ACER2: variants seen among roughly 807,000 people sequenced by gnomAD.
ACER2 encodes the protein alkCDase 2.
Under a neutral mutation model 34.7 loss-of-function variants are expected in ACER2, and 26 were observed. The ratio of observed to expected loss-of-function variants is 0.75; its 90% CI spans 0.55 to 1.04. The LOEUF is 1.04. Among genes scored for constraint, ACER2 ranks in the 50% least tolerant of loss-of-function variants. The pLI is 0.00. For synonymous variants in ACER2, 138 were observed against 132.1 expected (o/e 1.04, Z -0.31); for missense variants, 352 against 340.8 (o/e 1.03, Z -0.26).
chr9:19,434,979 C>G lies in ACER2; in HGVS notation c.398C>G (p.Ser133Cys), dbSNP rs1830912501. Reference protein sequence around the residue: ...GRFKVVVSVLSAVTTCLAFVK... With the variant: ...GRFKVVVSVLCAVTTCLAFVK... ...TTCAAGGTGGTGGTCAGTGTCCTGT[C>G]TGCGGTTACGACGTGCCTGGCATTT... Residue 133 changes from serine (S) to cysteine (C), a missense_variant, in exon 4 of 6, where the codon TCT becomes TGT. Physicochemically the swap from Ser to Cys is moderately radical, Grantham distance 112. Transcript: ENST00000340967. The G allele has an allele frequency of 1.9e-6, 3 of 1,613,912 alleles. No homozygotes were observed. Among genetic ancestry groups the G allele is most frequent in the South Asian group, 1.1e-5 (1 of 91,078 alleles).
intron 5 of ACER2, 26 bp downstream of exon 5, chr9:19,446,444 G>GC (rs1405357718): frequency 6.2e-7 from 1 of 1,613,778 alleles, no homozygotes; most frequent in African/African-American, 1.3e-5. Flanking sequence ...TGGGGAGGTG[G>GC]CCGGGGACAG....
At chr9:19,421,598 G>C (rs1485993334) in intron 1 of ACER2, among the ~76,000 whole-genome samples, 1 of 152,130 alleles carries the variant, frequency 6.6e-6, no homozygotes, top group Non-Finnish European at 1.5e-5. Context: ...CTGAGGGAGG[G>C]AGAAATGAGG....
In ACER2 at chr9:19,451,642, T is replaced by C. The variant is rs1048600189; in HGVS notation, c.*1006T>C. 2 of 152,216 alleles carry C rather than the reference T, an allele frequency of 1.3e-5. No individual in the cohort carries two copies. Among genetic ancestry groups the C allele is most frequent in the Non-Finnish European group, 2.9e-5 (2 of 68,034 alleles). 9.4% of individuals were successfully genotyped at this position (152,216 alleles called of 1,614,324 possible). A position where few individuals can be genotyped will look rare whatever the true frequency, so the allele number is the denominator to read the frequency against. On this transcript the variant is annotated 3_prime_UTR_variant, in exon 6 of 6. Transcript: ENST00000340967. ...CCCACCCCAGCTCAGCAGCCTCAAA[T>C]CTACAGAGAAGAAGAATTATGGCAT...
chr9:19,444,069 T>TCC (rs1409001726), intron 4 of ACER2, among the ~76,000 whole-genome samples: 10 of 150,622 alleles, frequency 6.6e-5, no homozygotes, highest in Admixed American at 4.7e-4. Context: ...GGCAGGGGTG[T>TCC]CCGCTCTTTT....
At chr9:19,428,027 C>A (rs962798046) in intron 3 of ACER2, among the ~76,000 whole-genome samples, 1 of 96,738 alleles carries the variant, frequency 1.0e-5, no homozygotes, top group Non-Finnish European at 2.2e-5. Flanking sequence ...CCTTTCCTTT[C>A]CTTTCCTTTC....
At chr9:19,410,806 A>G (rs531030197) in intron 1 of ACER2, among the ~76,000 whole-genome samples, 1 of 152,366 alleles carries the variant, frequency 6.6e-6, no homozygotes, top group Admixed American at 6.5e-5. Flanking sequence ...AGGGGTAAAT[A>G]GTTGCACACA....
In ACER2 at chr9:19,441,932, G is replaced by A. The variant is rs540366011; in HGVS notation, c.504-4349G>A. On this transcript the variant is annotated intron_variant, in intron 4 of 5. Transcript: ENST00000340967. ...CTGAGTTGAATGTTTCTCACTGCACGCTAGTTTGCTCAGAGGTAATAGAGG... is the reference window on the plus strand; with the variant it reads ...CTGAGTTGAATGTTTCTCACTGCACACTAGTTTGCTCAGAGGTAATAGAGG... Among the ~76,000 whole-genome samples the A allele has an allele frequency of 3.7e-4, 57 of 152,274 alleles. 1 individual carries two copies. In the South Asian group the frequency reaches 7.5e-3, roughly 20 times the overall value.
At chr9:19,414,320 C>G (rs1380642917) in intron 1 of ACER2, among the ~76,000 whole-genome samples, 1 of 152,210 alleles carries the variant, frequency 6.6e-6, no homozygotes, top group African/African-American at 2.4e-5. Flanking sequence ...TATGAACCTG[C>G]TGTCCAGAAT....
chr9:19,423,713 AGAAAAG>A (rs979460651), intron 1 of ACER2, 143 bp from the exon 2 acceptor site: 46 of 622,224 alleles, frequency 7.4e-5, no homozygotes, highest in Admixed American at 4.3e-4. Context: ...CATCTCAAAG[AGAAAAG>A]AAAAAGAAAA....
chr9:19,419,260 A>G (rs571777847), intron 1 of ACER2, among the ~76,000 whole-genome samples: 108 of 152,306 alleles, frequency 7.1e-4, no homozygotes, highest in African/African-American at 2.6e-3. Context: ...TGATTCCTCC[A>G]TGCCTGCTTC....
chr9:19,450,431 C>T lies in ACER2; in HGVS notation c.642-19C>T. On this transcript the variant is annotated intron_variant, in intron 5 of 5. Coordinates refer to ENST00000340967, the MANE Select transcript of ACER2 (RefSeq NM_001010887.3). ...GTCTTCATGCTCATCAGGTTCTCACCTCTTGTCTCCCTCTGCAGGCACATC... is the reference window on the plus strand; with the variant it reads ...GTCTTCATGCTCATCAGGTTCTCACTTCTTGTCTCCCTCTGCAGGCACATC... 2 of 1,572,294 alleles carry T rather than the reference C, an allele frequency of 1.3e-6. No homozygotes were observed. Among genetic ancestry groups the T allele is most frequent in the Non-Finnish European group, 1.7e-6 (2 of 1,148,746 alleles).
chr9:19,450,019 A>C (rs1056120175), intron 5 of ACER2, among the ~76,000 whole-genome samples: 1 of 152,222 alleles, frequency 6.6e-6, no homozygotes, highest in Non-Finnish European at 1.5e-5. Context: ...ACTAAACTGC[A>C]AAAGTGGTTT....
At chr9:19,424,105 A>T (rs1830491577) in intron 2 of ACER2, 129 bp downstream of exon 2, 1 of 918,706 alleles carries the variant, frequency 1.1e-6, no homozygotes, top group Admixed American at 2.5e-5. Flanking sequence ...GGTCTTAGCA[A>T]ACTTTTTTTT....
chr9:19,438,425 G>A (rs1375059608), intron 4 of ACER2, among the ~76,000 whole-genome samples: 1 of 152,194 alleles, frequency 6.6e-6, no homozygotes, highest in East Asian at 1.9e-4. Flanking sequence ...TGCCTTGGGT[G>A]AAGATGTTAG....
chr9:19,445,955 G>C (rs1831342734), intron 4 of ACER2, among the ~76,000 whole-genome samples: 1 of 152,210 alleles, frequency 6.6e-6, no homozygotes, highest in Non-Finnish European at 1.5e-5. Flanking sequence ...TGTGGGCTAT[G>C]TGAGAAGGAG....
At chr9:19,436,498 G>A (rs1425578850) in intron 4 of ACER2, among the ~76,000 whole-genome samples, 2 of 151,862 alleles carry the variant, frequency 1.3e-5, no homozygotes, top group Non-Finnish European at 2.9e-5. Flanking sequence ...GCTTTTTGGT[G>A]TATCTTGTAT....
chr9:19,409,332 C>G lies in ACER2; in HGVS notation c.108+140C>G, dbSNP rs147387981. The G allele has an allele frequency of 4.1e-4, 299 of 727,916 alleles. 3 individuals are homozygous for G. In the East Asian group the frequency reaches 8.2e-3, roughly 20 times the overall value. The allele number at this position is 727,916 out of a possible 1,614,324, so 45.1% of individuals were successfully genotyped here. On this transcript the variant is annotated intron_variant, in intron 1 of 5. Transcript: ENST00000340967. The stretch of plus-strand genomic sequence containing the variant: ...CAGGGGCTGAGTCAGTCCACACCCC[C>G]TCCTCGGCGCGCTCCTTTCAGTTCT...
intron 4 of ACER2, among the ~76,000 whole-genome samples, chr9:19,442,174 T>G (rs1166977960): frequency 6.6e-6 from 1 of 152,184 alleles, no homozygotes; most frequent in Admixed American, 6.5e-5. Flanking sequence ...TCAGATACAT[T>G]GATATTTAAA....
In ACER2 at chr9:19,434,349, C is replaced by G. The variant is rs181028216; in HGVS notation, c.366-598C>G. Among the ~76,000 whole-genome samples the G allele has an allele frequency of 8.9e-3, 1,349 of 152,262 alleles. 20 individuals carry two copies. Among genetic ancestry groups the G allele is most frequent in the African/African-American group, 0.03 (1,228 of 41,550 alleles). On this transcript the variant is annotated intron_variant, in intron 3 of 5. Coordinates refer to ENST00000340967, the MANE Select transcript of ACER2 (RefSeq NM_001010887.3). The stretch of plus-strand genomic sequence containing the variant: ...GACGATGGCCGGCCAGGCAGAGACG[C>G]TCCTCACTTCCCAGACGGGGTGGCG...
Sources: allele counts gnomAD v4.1 joint callset (sites outside exome capture counted in the v4.1 genomes callset), GRCh38; gene constraint gnomAD v4.1.1; transcripts MANE v1.5; gene names NCBI Gene and HGNC (gene_info 2026-07-23, HGNC 2026-07-21).